The following MUC12 variants were observed in gnomAD, a reference collection of about 807,000 sequenced individuals.
MUC12 encodes mucin 12, cell surface associated, also known as mucin-12.
Under a neutral mutation model 230.8 loss-of-function variants are expected in MUC12, and 172 were observed. The observed-to-expected ratio is 0.75, with a 90% confidence interval of 0.66 to 0.85. The LOEUF (loss-of-function observed/expected upper bound fraction) is 0.85. Ranked by LOEUF, MUC12 falls within the 40% of genes least tolerant of loss-of-function variation. The probability of loss-of-function intolerance (pLI) is 0.00; values close to 1 mark genes in which losing one functional copy is unlikely to be tolerated. For missense variants in MUC12, 3,506 were observed against 5,920.6 expected, an observed-to-expected ratio of 0.59 and a Z score of 13.38; for synonymous variants, 1,259 against 2,401.9, an observed-to-expected ratio of 0.52 and a Z score of 13.91.
intron 5 of MUC12, among the ~76,000 whole-genome samples, chr7:101,010,293 T>C (rs1288083387): frequency 6.6e-6 from 1 of 152,044 alleles, no homozygotes; most frequent in East Asian, 1.9e-4. Flanking sequence ...CCCAGCCACA[T>C]GGAGTGGTTG....
At chr7:100,982,908 A>AT (rs1260397761) in intron 1 of MUC12, among the ~76,000 whole-genome samples, 1 of 151,456 alleles carries the variant, frequency 6.6e-6, no homozygotes, top group African/African-American at 2.4e-5. Flanking sequence ...AATATTTAAA[A>AT]TTTTTTTGTA....
At position 100,991,796 on chromosome 7, in the gene MUC12, C is replaced by G. The variant is rs1329304977; in HGVS notation, c.1233C>G (p.Ser411Arg). 1.4e-5 allele frequency: 21 copies of G among 1,537,822 alleles called. No individual in the cohort carries two copies. Among genetic ancestry groups the G allele is most frequent in the Admixed American group, 7.8e-5 (4 of 50,986 alleles). The change falls in exon 2 of 12, where the codon AGC (serine) becomes AGG (arginine). Residue 411 changes from serine (S) to arginine (R), a missense_variant. Coordinates refer to ENST00000536621, the MANE Select transcript of MUC12 (RefSeq NM_001164462.2). ...CCACAGCTGCCCTAGCACATACAAG[C>G]TACCACAGCAGCCTGGGCTCAACTG... ...PSTTAALAHT[S>R]YHSSLGSTET...
chr7:100,969,605 G>C lies in MUC12; in HGVS notation c.-18G>C, dbSNP rs1294588878. 6.5e-7 allele frequency: 1 copy of C among 1,537,448 alleles called. No homozygotes were observed. The highest frequency in any genetic ancestry group is 8.7e-7 in the Non-Finnish European group (1 of 1,146,948). On this transcript the variant is annotated 5_prime_UTR_variant, in exon 1 of 12. Transcript: ENST00000536621. ...CTGATGAGAGAAGATGGGCAGCCAG[G>C]GGCCCGTTCCCCGGGAGATGCTGGT...
chr7:101,015,597 A>G lies in MUC12; in HGVS notation c.15801-18A>G, dbSNP rs1193103377. 1.3e-6 allele frequency: 2 copies of G among 1,537,156 alleles called. No individual in the cohort carries two copies. Among genetic ancestry groups the G allele is most frequent in the Non-Finnish European group, 1.7e-6 (2 of 1,146,644 alleles). On this transcript the variant is annotated intron_variant, in intron 9 of 11. Transcript: ENST00000536621. ...CAGCCTCCTTGCCTACAGCTGCTCA[A>G]GGCATTTCTGTCTGCAGGGAACAGT...
At chr7:100,969,935 C>T (rs879695150) in intron 1 of MUC12, among the ~76,000 whole-genome samples, 7 of 152,304 alleles carry the variant, frequency 4.6e-5, no homozygotes, top group Admixed American at 3.3e-4. Flanking sequence ...GGCTGAGGGG[C>T]GGCTGAAATC....
At chr7:100,970,139 T>C (rs1438246121) in intron 1 of MUC12, among the ~76,000 whole-genome samples, 1 of 152,302 alleles carries the variant, frequency 6.6e-6, no homozygotes, top group Non-Finnish European at 1.5e-5. Context: ...TGTGACAGTA[T>C]CATCTCTTGA....
In MUC12 at chr7:101,018,805, G is replaced by A. The variant is rs948618700; in HGVS notation, c.*169G>A. The A allele has an allele frequency of 7.4e-5, 46 of 621,796 alleles. No homozygotes were observed. In the Admixed American group the frequency reaches 1.2e-3, roughly 16 times the overall value. 38.5% of individuals were successfully genotyped at this position (621,796 alleles called of 1,614,324 possible). A position where few individuals can be genotyped will look rare whatever the true frequency, so the allele number is the denominator to read the frequency against. On this transcript the variant is annotated 3_prime_UTR_variant, in exon 12 of 12. Coordinates refer to ENST00000536621, the MANE Select transcript of MUC12 (RefSeq NM_001164462.2). ...AGTCCCCTGCCTGTGCTCCTGCTGG[G>A]GAAGGCTGGGGGCTGTAAGCCTCTC...
intron 3 of MUC12, among the ~76,000 whole-genome samples, chr7:101,007,996 G>A (rs571284833): frequency 1.3e-5 from 2 of 150,772 alleles, no homozygotes; most frequent in Admixed American, 6.6e-5. Context: ...AGTAGAGATG[G>A]GGTTTCACCG....
rs1337525362 is a variant in MUC12 at position 101,012,822 on chromosome 7, C to A, written c.15407C>A (p.Ala5136Asp). The A allele has an allele frequency of 6.5e-7, 1 of 1,537,230 alleles. No individual in the cohort carries two copies. Among genetic ancestry groups the A allele is most frequent in the Non-Finnish European group, 8.7e-7 (1 of 1,146,894 alleles). The change falls in exon 7 of 12, where the codon GCC (alanine) becomes GAC (aspartate). Residue 5136 changes from alanine (A) to aspartate (D), a missense_variant. Transcript: ENST00000536621. ...CCTTCCCATCCACTCTCGGCAGAGG[C>A]CATACTGTGCTATAGTGAAGAGGAC... The part of the protein sequence containing the change: ...TLLDPDSCRK[A>D]ILCYSEEDTF...
chr7:100,984,555 C>A (rs1402463578), intron 1 of MUC12, among the ~76,000 whole-genome samples: 2 of 152,296 alleles, frequency 1.3e-5, no homozygotes, highest in Admixed American at 6.5e-5. Context: ...CCATGCCCGA[C>A]CACTTTTCAT....
At chr7:101,014,719 C>T (rs1247546671) in intron 9 of MUC12, among the ~76,000 whole-genome samples, 1 of 152,098 alleles carries the variant, frequency 6.6e-6, no homozygotes, top group Non-Finnish European at 1.5e-5. Flanking sequence ...CTTGAGTGAT[C>T]CACCCACCCT....
Position 101,013,042 on chromosome 7 carries a change from G to A in MUC12, c.15538G>A (p.Gly5180Arg), listed in dbSNP as rs1467584342. ...TQFYYVDVLD[G>R]KLACVNKCTK... ...GTTCTACTATGTGGATGTCTTGGAT[G>A]GGAAGCTGGCCTGTGTGAACAAGTG... The change falls in exon 8 of 12, where the codon GGG (glycine) becomes AGG (arginine). Residue 5180 changes from glycine to arginine, a missense_variant. Coordinates refer to ENST00000536621, the MANE Select transcript of MUC12 (RefSeq NM_001164462.2). 3 of 1,537,344 alleles carry A rather than the reference G, an allele frequency of 2.0e-6. No homozygotes were observed. The highest frequency in any genetic ancestry group is 1.7e-6 in the Non-Finnish European group (2 of 1,146,924).
chr7:100,973,906 AC>A (rs1420925919), intron 1 of MUC12, among the ~76,000 whole-genome samples: 1 of 151,870 alleles, frequency 6.6e-6, no homozygotes, highest in East Asian at 1.9e-4. Flanking sequence ...TAATCCCAGC[AC>A]CTTGGGAGGC....
At position 100,990,962 on chromosome 7, in the gene MUC12, G is replaced by A. The variant is rs769384579; in HGVS notation, c.399G>A (p.Leu133=). Reference sequence around the variant, plus strand: ...CTGGCAGTACCACAACAGCAGGCCTGAGTGAGAAATCTACCACCTTCTACA... The same window carrying A: ...CTGGCAGTACCACAACAGCAGGCCTAAGTGAGAAATCTACCACCTTCTACA... ...ALPGSTTTAG[L]SEKSTTFYSS... Residue 133 remains leucine, a synonymous_variant, in exon 2 of 12, where the codon CTG becomes CTA. Coordinates refer to ENST00000536621, the MANE Select transcript of MUC12 (RefSeq NM_001164462.2). The A allele has an allele frequency of 2.6e-6, 4 of 1,537,636 alleles. No homozygotes were observed. The South Asian group carries it at 3.6e-5, about 14-fold the overall frequency.
chr7:100,977,540 A>G (rs1350000053), intron 1 of MUC12, among the ~76,000 whole-genome samples: 6 of 151,776 alleles, frequency 4.0e-5, no homozygotes, highest in Non-Finnish European at 7.4e-5. Context: ...TAAGTTTTGT[A>G]TTTTTAGTAG....
chr7:100,986,370 T>C (rs1204292611), intron 1 of MUC12, among the ~76,000 whole-genome samples: 3 of 150,190 alleles, frequency 2.0e-5, no homozygotes, highest in Admixed American at 1.3e-4. Flanking sequence ...CCAGATCTCA[T>C]GTTGAACTGT....
At chr7:100,969,805 C>A in intron 1 of MUC12, 116 bp downstream of exon 1, 2 of 1,428,878 alleles carry the variant, frequency 1.4e-6, no homozygotes, top group Non-Finnish European at 9.5e-7. Context: ...TGGCAAGGGG[C>A]TGCCACAGGG....
rs760487289 is a variant in MUC12, at chr7:101,004,811, C to G, written c.14248C>G (p.Gln4750Glu). The G allele has an allele frequency of 1.8e-5, 28 of 1,537,502 alleles. No homozygotes were observed. In the African/African-American group the frequency reaches 2.2e-4, roughly 12 times the overall value. Residue 4750 changes from glutamine (Q) to glutamate (E), a missense_variant, in exon 2 of 12, where the codon CAA (glutamine) becomes GAA (glutamate). By Grantham distance (29) the Gln-to-Glu change is conservative. Coordinates refer to ENST00000536621, the MANE Select transcript of MUC12 (RefSeq NM_001164462.2). Reference protein sequence around the residue: ...ILYSSSRSPDQTLSPASMTSS... With the variant: ...ILYSSSRSPDETLSPASMTSS... ...TTACAGTAGCTCCAGATCACCAGACCAAACACTCTCACCTGCCAGCATGAC... is the reference window on the plus strand; with the variant it reads ...TTACAGTAGCTCCAGATCACCAGACGAAACACTCTCACCTGCCAGCATGAC...
intron 1 of MUC12, among the ~76,000 whole-genome samples, chr7:100,970,891 A>G (rs975242980): frequency 6.6e-6 from 1 of 151,948 alleles, no homozygotes; most frequent in South Asian, 2.1e-4. Flanking sequence ...CAGCTACTCA[A>G]AAGGCTGAGG....
Sources: gnomAD v4.1 joint callset for allele counts (sites outside exome capture counted in the v4.1 genomes callset) on GRCh38, gnomAD v4.1.1 for gene constraint, MANE v1.5 for transcripts, NCBI Gene and HGNC (gene_info 2026-07-23, HGNC 2026-07-21) for gene names.